Variants in TMEM97 observed in about 807,000 individuals in gnomAD.
TMEM97 encodes the protein sigma intracellular receptor 2.
In TMEM97, 13 loss-of-function variants were observed where a neutral mutation model predicts 18.3. That is an observed-to-expected ratio of 0.71 (90% CI 0.46 to 1.13). The LOEUF (loss-of-function observed/expected upper bound fraction) is 1.13, where lower values mean the gene tolerates loss of function less well. TMEM97 is among the 50% of genes most tolerant of loss of function. The pLI, the probability that TMEM97 is intolerant of heterozygous loss-of-function variation, is 0.00. For synonymous variants in TMEM97, 76 were observed against 85.3 expected (o/e 0.89, Z 0.60); for missense variants, 205 against 210.5 (o/e 0.97, Z 0.16).
intron 1 of TMEM97, among the ~76,000 whole-genome samples, chr17:28,322,381 A>G (rs1906182155): frequency 6.6e-6 from 1 of 151,784 alleles, no homozygotes; most frequent in East Asian, 1.9e-4. Flanking sequence ...AATAGCTGGG[A>G]TTACAGGTGC....
In TMEM97 at chr17:28,326,681, G is replaced by T; in HGVS notation, c.419G>T (p.Arg140Leu). 1 of 1,614,100 alleles carries T rather than the reference G, an allele frequency of 6.2e-7. No individual in the cohort carries two copies. Among genetic ancestry groups the T allele is most frequent in the Non-Finnish European group, 8.5e-7 (1 of 1,180,012 alleles). ...KGQRPETLHE[R>L]LTLVSVYAPY... ...CAAAGACCTGAGACTTTGCATGAAC[G>T]GTTAACCCTTGTGTCTGTCTATGCC... Residue 140 changes from arginine (R) to leucine (L), a missense_variant, in exon 3 of 3, where the codon CGG becomes CTG. Physicochemically the swap from Arg to Leu is moderately radical, Grantham distance 102. Coordinates refer to ENST00000226230, the MANE Select transcript of TMEM97 (RefSeq NM_014573.3).
At chr17:28,321,800 CTGTGTGTGTGTGTGTGTGTGTG>C (rs538038865) in intron 1 of TMEM97, among the ~76,000 whole-genome samples, 40 of 132,210 alleles carry the variant, frequency 3.0e-4, no homozygotes, top group African/African-American at 9.9e-4. Flanking sequence ...TGGCCAGAAC[CTGTGTGTGTGTGTGTGTGTGTG>C]TGTGTGTGTG....
intron 1 of TMEM97, among the ~76,000 whole-genome samples, chr17:28,320,004 C>T (rs1906081778): frequency 6.6e-6 from 1 of 152,178 alleles, no homozygotes; most frequent in Non-Finnish European, 1.5e-5. Flanking sequence ...GGAGAGCATT[C>T]TTTCAACCCC....
rs782039982 is a variant in TMEM97, at chr17:28,325,598, T to G, written c.222T>G (p.Leu74=). ...TTAAGTCCTTTCTGTTTTGCGAGCT[T>G]GTGTTTCAGCTGCCTTTCTTTCCCA... ...AWFKSFLFCE[L]VFQLPFFPIA... The change falls in exon 2 of 3, where the codon CTT becomes CTG. Residue 74 remains leucine (L), a synonymous_variant. Coordinates refer to ENST00000226230, the MANE Select transcript of TMEM97 (RefSeq NM_014573.3). 2.5e-6 allele frequency: 4 copies of G among 1,614,056 alleles called. No individual in the cohort carries two copies. In the African/African-American group the frequency reaches 5.3e-5, roughly 22 times the overall value.
intron 1 of TMEM97, among the ~76,000 whole-genome samples, chr17:28,321,541 T>G (rs1207484615): frequency 6.6e-6 from 1 of 152,056 alleles, no homozygotes; most frequent in African/African-American, 2.4e-5. Context: ...GCACAAGAGA[T>G]CCTCCCACCT....
In TMEM97 at chr17:28,328,250, G is replaced by A. The variant is rs1906453437; in HGVS notation, c.*1457G>A. On this transcript the variant is annotated 3_prime_UTR_variant, in exon 3 of 3. Transcript: ENST00000226230. ...ACTGCCTGGTTTGTTTTGTGGACTA[G>A]GGGATAGAGAATCCAGGGTTCTCTC... 5.5e-6 allele frequency: 1 copy of A among 182,006 alleles called. No individual in the cohort carries two copies. The highest frequency in any genetic ancestry group is 1.1e-5 in the Non-Finnish European group (1 of 88,060). The allele number at this position is 182,006 out of a possible 1,614,324, so 11.3% of individuals were successfully genotyped here.
chr17:28,326,468 A>T, intron 2 of TMEM97, 66 bp from the exon 3 acceptor site: 1 of 1,534,750 alleles, frequency 6.5e-7, no homozygotes, highest in Non-Finnish European at 8.8e-7. Context: ...AGACAGTGGG[A>T]AGGTCATGGA....
At chr17:28,324,513 T>C (rs1906262357) in intron 1 of TMEM97, among the ~76,000 whole-genome samples, 1 of 152,228 alleles carries the variant, frequency 6.6e-6, no homozygotes, top group African/African-American at 2.4e-5. Flanking sequence ...TTAATCATAA[T>C]ATCAAGACTT....
Position 28,326,674 on chromosome 17 carries a change from C to T in TMEM97, c.412C>T (p.His138Tyr), listed in dbSNP as rs1366671529. Residue 138 changes from histidine to tyrosine, a missense_variant, in exon 3 of 3, where the codon CAT becomes TAT. His to Tyr is a moderately conservative substitution (Grantham distance 83, BLOSUM62 2). Transcript: ENST00000226230. ...CAAGGGACAAAGACCTGAGACTTTG[C>T]ATGAACGGTTAACCCTTGTGTCTGT... ...GFKGQRPETL[H>Y]ERLTLVSVYA... 6.2e-7 allele frequency: 1 copy of T among 1,614,164 alleles called. No individual in the cohort carries two copies. The highest frequency in any genetic ancestry group is 1.7e-5 in the Admixed American group (1 of 60,020).
chr17:28,323,191 G>A (rs1188958531), intron 1 of TMEM97, among the ~76,000 whole-genome samples: 3 of 152,142 alleles, frequency 2.0e-5, no homozygotes, highest in African/African-American at 4.8e-5. Context: ...ATTAGTCCCA[G>A]CCTCATTCTG....
rs1906464009 is a variant in TMEM97, at chr17:28,328,382, A to G, written c.*1589A>G. ...TTCCAAAGCTTTGTGAATTTACAAA[A>G]AAAAGGATGAAAGTTTACAAACTGC... On this transcript the variant is annotated 3_prime_UTR_variant, in exon 3 of 3. Transcript: ENST00000226230. 1 of 341,698 alleles carries G rather than the reference A, an allele frequency of 2.9e-6. No individual in the cohort carries two copies. The highest frequency in any genetic ancestry group is 2.1e-5 in the African/African-American group (1 of 46,672). The allele number at this position is 341,698 out of a possible 1,614,324, so 21.2% of individuals were successfully genotyped here. A position where few individuals can be genotyped will look rare whatever the true frequency, so the allele number is the denominator to read the frequency against.
rs903625774 is a variant in TMEM97 at position 28,328,548 on chromosome 17, G to A, written c.*1755G>A. 1.4e-5 allele frequency: 10 copies of A among 734,178 alleles called. No homozygotes were observed. In the African/African-American group the frequency reaches 1.8e-4, roughly 13 times the overall value. The allele number at this position is 734,178 out of a possible 1,614,324, so 45.5% of individuals were successfully genotyped here. A position where few individuals can be genotyped will look rare whatever the true frequency, so the allele number is the denominator to read the frequency against. The stretch of plus-strand genomic sequence containing the variant: ...GCATTCCTTACACGCCACCTCTTGT[G>A]ACATAGGTCATTGGTCAAGCCGCTG... On this transcript the variant is annotated 3_prime_UTR_variant, in exon 3 of 3. Transcript: ENST00000226230.
At chr17:28,321,008 C>T (rs540805541) in intron 1 of TMEM97, among the ~76,000 whole-genome samples, 3 of 152,316 alleles carry the variant, frequency 2.0e-5, no homozygotes, top group African/African-American at 7.2e-5. Flanking sequence ...AAGTAATAGT[C>T]ACAGGTTCCA....
Position 28,326,953 on chromosome 17 carries a change from C to G in TMEM97, c.*160C>G. On this transcript the variant is annotated 3_prime_UTR_variant, in exon 3 of 3. Coordinates refer to ENST00000226230, the MANE Select transcript of TMEM97 (RefSeq NM_014573.3). ...GGTGTCAGGAACCATGTCAAACCCT[C>G]ACCTTCTTCCATTTTTTTTTTTTTT... is the stretch of plus-strand genomic sequence containing the variant. 1.1e-6 allele frequency: 1 copy of G among 890,978 alleles called. No individual in the cohort carries two copies. The highest frequency in any genetic ancestry group is 1.7e-6 in the Non-Finnish European group (1 of 595,740). 55.2% of individuals were successfully genotyped at this position (890,978 alleles called of 1,614,324 possible). A position where few individuals can be genotyped will look rare whatever the true frequency, so the allele number is the denominator to read the frequency against.
rs575707856 is a variant in TMEM97, at chr17:28,327,789, TTTTG to T, written c.*1005_*1008del. 1.6e-4 allele frequency: 25 copies of T among 152,380 alleles called. No homozygotes were observed. Among genetic ancestry groups the T allele is most frequent in the South Asian group, 4.1e-4 (2 of 4,828 alleles). 9.4% of individuals were successfully genotyped at this position (152,380 alleles called of 1,614,324 possible). A position where few individuals can be genotyped will look rare whatever the true frequency, so the allele number is the denominator to read the frequency against. ...ACAGATCATCCTAGGCGAAAGTTTTTTTTGTTTGTTTGCTTTTAAATTAGTTTAT... is the reference window on the plus strand; with the variant it reads ...ACAGATCATCCTAGGCGAAAGTTTTTTTTGTTTGCTTTTAAATTAGTTTAT... On this transcript the variant is annotated 3_prime_UTR_variant, in exon 3 of 3. Coordinates refer to ENST00000226230, the MANE Select transcript of TMEM97 (RefSeq NM_014573.3).
intron 1 of TMEM97, among the ~76,000 whole-genome samples, chr17:28,324,361 G>T (rs1278276219): frequency 6.6e-6 from 1 of 152,244 alleles, no homozygotes; most frequent in Non-Finnish European, 1.5e-5. Flanking sequence ...GTTTCTGGAT[G>T]TTTGCTTAAA....
chr17:28,326,383 G>A (rs1305486041), intron 2 of TMEM97, 151 bp from the exon 3 acceptor site: 1 of 849,030 alleles, frequency 1.2e-6, no homozygotes, highest in Non-Finnish European at 1.8e-6. Flanking sequence ...CTGCATGTTG[G>A]GCAGTGTGGC....
rs782131447 is a variant in TMEM97, at chr17:28,326,712, C to A, written c.450C>A (p.Tyr150Ter). Residue 150 changes from tyrosine to a stop codon, truncating the protein, a stop_gained, in exon 3 of 3, where the codon TAC becomes TAA. Coordinates refer to ENST00000226230, the MANE Select transcript of TMEM97 (RefSeq NM_014573.3). LOFTEE classifies it high-confidence loss of function. ...RLTLVSVYAP[Y>*]LLIPFILLIF... ...CCCTTGTGTCTGTCTATGCCCCCTACTTACTCATCCCATTCATACTTTTAA... is the reference window on the plus strand; with the variant it reads ...CCCTTGTGTCTGTCTATGCCCCCTAATTACTCATCCCATTCATACTTTTAA... 41 of 1,613,990 alleles carry A rather than the reference C, an allele frequency of 2.5e-5. No homozygotes were observed. The highest frequency in any genetic ancestry group is 3.4e-5 in the Non-Finnish European group (40 of 1,180,032).
rs1906038018 is a variant in TMEM97, at chr17:28,319,315, C to G, written c.76C>G (p.Leu26Val). ...LYFLSHIPIT[L>V]FMDLQAVLPR... ...CTTCCTCAGCCACATCCCCATCACC[C>G]TGTTCATGGACCTGCAGGCGGTGCT... Residue 26 changes from leucine (L) to valine (V), a missense_variant, in exon 1 of 3, where the codon CTG (leucine) becomes GTG (valine). Physicochemically the swap from Leu to Val is conservative, Grantham distance 32. Transcript: ENST00000226230. 1.2e-6 allele frequency: 2 copies of G among 1,611,118 alleles called. No homozygotes were observed. The highest frequency in any genetic ancestry group is 2.3e-5 in the East Asian group (1 of 44,432).
Sources: allele counts gnomAD v4.1 joint callset (sites outside exome capture counted in the v4.1 genomes callset), GRCh38; gene constraint gnomAD v4.1.1; transcripts MANE v1.5; gene names NCBI Gene and HGNC (gene_info 2026-07-23, HGNC 2026-07-21).